The following FTCDNL1 variants were observed in gnomAD, a reference collection of about 807,000 sequenced individuals.
The protein encoded by FTCDNL1 is formiminotransferase cyclodeaminase N-terminal like.
In FTCDNL1, 11 loss-of-function variants were observed where a neutral mutation model predicts 5.9. That is an observed-to-expected ratio of 1.87 (90% CI 1.18 to 3.10). The LOEUF (loss-of-function observed/expected upper bound fraction) is 3.10. Ranked by LOEUF, FTCDNL1 falls within the 30% of genes most tolerant of loss-of-function variation. The pLI, the probability that FTCDNL1 is intolerant of heterozygous loss-of-function variation, is 0.00. For synonymous variants in FTCDNL1, 58 were observed against 24.8 expected (o/e 2.34, Z -3.99); for missense variants, 115 against 65.5 (o/e 1.76, Z -2.61).
At chr2:199,688,026 C>T in the FTCDNL1 span, among the ~76,000 whole-genome samples, 2 of 151,878 alleles carry the variant, frequency 1.3e-5, no homozygotes, top group Non-Finnish European at 2.9e-5. Context: ...GTGGGTGGAT[C>T]ACTTGAGGCC....
chr2:199,742,682 A>G, the FTCDNL1 span, among the ~76,000 whole-genome samples: 1 of 152,148 alleles, frequency 6.6e-6, no homozygotes. Flanking sequence ...CAGATGAGGA[A>G]ATCAGGCACA....
At chr2:199,773,304 A>G (rs1698902820) in intron 3 of FTCDNL1, among the ~76,000 whole-genome samples, 1 of 152,134 alleles carries the variant, frequency 6.6e-6, no homozygotes, top group South Asian at 2.1e-4. Flanking sequence ...AGTTGGGCCT[A>G]GGCTTGGACT....
At chr2:199,701,299 TAAAAAAAAAAAAAAA>T in the FTCDNL1 span, among the ~76,000 whole-genome samples, 15 of 72,364 alleles carry the variant, frequency 2.1e-4, no homozygotes, top group East Asian at 2.1e-3. Context: ...CTTGAAAGTT[TAAAAAAAAAAAAAAA>T]AAAAAAAAAA....
intron 3 of FTCDNL1, among the ~76,000 whole-genome samples, chr2:199,789,312 A>T (rs1176183114): frequency 6.6e-6 from 1 of 152,190 alleles, no homozygotes; most frequent in Non-Finnish European, 1.5e-5. Flanking sequence ...GGAATGCAAG[A>T]CGGTTTAATG....
chr2:199,751,463 C>T, the FTCDNL1 span, among the ~76,000 whole-genome samples: 4 of 152,038 alleles, frequency 2.6e-5, no homozygotes, highest in Non-Finnish European at 4.4e-5. Context: ...AACATCTGTC[C>T]GAGGGGAGGT....
chr2:199,746,849 G>C, the FTCDNL1 span, among the ~76,000 whole-genome samples: 1 of 152,034 alleles, frequency 6.6e-6, no homozygotes, highest in East Asian at 1.9e-4. Flanking sequence ...ATGAGAGAAT[G>C]TTCCTTGTGT....
the FTCDNL1 span, among the ~76,000 whole-genome samples, chr2:199,697,760 G>A: frequency 6.6e-6 from 1 of 152,054 alleles, no homozygotes; most frequent in African/African-American, 2.4e-5. Context: ...ATGATGACAG[G>A]ATCAAATAAG....
At chr2:199,766,419 C>T (rs557048242) in intron 3 of FTCDNL1, among the ~76,000 whole-genome samples, 1 of 152,114 alleles carries the variant, frequency 6.6e-6, no homozygotes, top group Non-Finnish European at 1.5e-5. Context: ...TGTCCTTCAG[C>T]ATGGTTTCCC....
At chr2:199,830,028 A>T (rs1702266935) in intron 3 of FTCDNL1, among the ~76,000 whole-genome samples, 1 of 152,010 alleles carries the variant, frequency 6.6e-6, no homozygotes, top group South Asian at 2.1e-4. Flanking sequence ...ATCACCTGAG[A>T]CTCAAATCAA....
chr2:199,738,550 C>T, the FTCDNL1 span, among the ~76,000 whole-genome samples: 1 of 151,952 alleles, frequency 6.6e-6, no homozygotes, highest in African/African-American at 2.4e-5. Context: ...CCCTTGCAAA[C>T]CTTAAGGGTC....
intron 3 of FTCDNL1, among the ~76,000 whole-genome samples, chr2:199,840,635 G>A (rs1487171072): frequency 6.6e-6 from 1 of 152,162 alleles, no homozygotes; most frequent in South Asian, 2.1e-4. Context: ...AATCAATAAG[G>A]TAAAAGAGTA....
rs576683146 is a variant in FTCDNL1, at chr2:199,776,476, C to T, written c.212-15641G>A. ...AAATGGCAGAGATGCTGCCTTTTAT[C>T]CAATGGCATATCTAGTCCAGCACTG... On this transcript the variant is annotated intron_variant, in intron 3 of 3. Coordinates refer to the FTCDNL1 transcript ENST00000416668. 2.0e-5 allele frequency among the ~76,000 whole-genome samples: 3 copies of T among 152,294 alleles called. No individual in the cohort carries two copies. The East Asian group carries it at 5.8e-4, about 29-fold the overall frequency.
In FTCDNL1 at chr2:199,848,954, A is replaced by G; in HGVS notation, c.9T>C (p.Ser3=). MS[S]SRVGLRLAAC... Reference sequence around the variant, plus strand: ...CAGCCAAACGGAGCCCCACTCTGGAAGAAGACATGATTTTTCTGGAATAGG... The same window carrying G: ...CAGCCAAACGGAGCCCCACTCTGGAGGAAGACATGATTTTTCTGGAATAGG... Residue 3 remains serine, a synonymous_variant, in exon 2 of 5, where the codon TCT becomes TCC. Coordinates refer to ENST00000420128, the MANE Select transcript of FTCDNL1 (RefSeq NM_001363886.2). 2 of 701,712 alleles carry G rather than the reference A, an allele frequency of 2.9e-6. No individual in the cohort carries two copies. Among genetic ancestry groups the G allele is most frequent in the Non-Finnish European group, 5.2e-6 (2 of 384,664 alleles). The allele number at this position is 701,712 out of a possible 1,614,324, so 43.5% of individuals were successfully genotyped here.
intron 3 of FTCDNL1, among the ~76,000 whole-genome samples, chr2:199,830,551 G>A (rs971132435): frequency 3.9e-5 from 6 of 152,114 alleles, no homozygotes; most frequent in African/African-American, 1.2e-4. Context: ...AAGCTAACCA[G>A]TATTCGTCCC....
At chr2:199,789,879 A>G (rs1315098172) in intron 3 of FTCDNL1, among the ~76,000 whole-genome samples, 1 of 152,172 alleles carries the variant, frequency 6.6e-6, no homozygotes, top group Non-Finnish European at 1.5e-5. Flanking sequence ...AATACTTGGA[A>G]TAAAGTTTCC....
chr2:199,756,092 T>C (rs533349971), downstream of FTCDNL1, among the ~76,000 whole-genome samples: 1 of 152,328 alleles, frequency 6.6e-6, no homozygotes, highest in African/African-American at 2.4e-5. Context: ...AAGAAAAGTC[T>C]TATACTTGTC....
rs1281685455 is a variant in FTCDNL1, at chr2:199,812,503, A to G, written c.*202T>C. On this transcript the variant is annotated 3_prime_UTR_variant, in exon 5 of 5. Transcript: ENST00000420128. ...TGAGAGAGATAATTAATCCCAGCAA[A>G]TCGTATTTCTAGTTAAATGTCATAT... 2 of 445,164 alleles carry G rather than the reference A, an allele frequency of 4.5e-6. No individual in the cohort carries two copies. Among genetic ancestry groups the G allele is most frequent in the African/African-American group, 4.1e-5 (2 of 49,366 alleles). The allele number at this position is 445,164 out of a possible 1,614,324, so 27.6% of individuals were successfully genotyped here. A position where few individuals can be genotyped will look rare whatever the true frequency, so the allele number is the denominator to read the frequency against.
intron 3 of FTCDNL1, among the ~76,000 whole-genome samples, chr2:199,793,618 T>C (rs1446074385): frequency 2.0e-5 from 3 of 152,190 alleles, no homozygotes; most frequent in African/African-American, 7.2e-5. Context: ...TTTTTTGACA[T>C]AGACATTTAC....
At chr2:199,778,848 T>G (rs1699218934) in intron 3 of FTCDNL1, among the ~76,000 whole-genome samples, 1 of 152,194 alleles carries the variant, frequency 6.6e-6, no homozygotes, top group African/African-American at 2.4e-5. Context: ...TGCAAATTCT[T>G]GTGACAGGCA....
Sources: allele counts gnomAD v4.1 joint callset (sites outside exome capture counted in the v4.1 genomes callset), GRCh38; gene constraint gnomAD v4.1.1; transcripts MANE v1.5; gene names NCBI Gene and HGNC (gene_info 2026-07-23, HGNC 2026-07-21).